The following PRSS23 variants were observed in gnomAD, a reference collection of about 807,000 sequenced individuals.
The protein encoded by PRSS23 is serine protease 23.
A neutral mutation model predicts 34.7 loss-of-function variants in PRSS23; 25 were observed. The observed-to-expected ratio is 0.72, with a 90% CI of 0.53 to 1.01. The LOEUF (loss-of-function observed/expected upper bound fraction) is 1.01. PRSS23 is among the 50% of genes least tolerant of loss of function. The pLI, the probability that PRSS23 is intolerant of heterozygous loss-of-function variation, is 0.00. For missense variants in PRSS23, 445 were observed against 475.6 expected (o/e 0.94, Z 0.60); for synonymous variants, 176 against 186.6 (o/e 0.94, Z 0.46).
chr11:86,806,977 T>A (rs1357799577), intron 1 of PRSS23, among the ~76,000 whole-genome samples: 1 of 152,180 alleles, frequency 6.6e-6, no homozygotes, highest in Non-Finnish European at 1.5e-5. Flanking sequence ...GAACTCAATA[T>A]ATATAATAGT....
At chr11:86,897,385 A>G (rs1295861958) in intron 2 of PRSS23, among the ~76,000 whole-genome samples, 1 of 151,690 alleles carries the variant, frequency 6.6e-6, no homozygotes, top group Non-Finnish European at 1.5e-5. Context: ...GAATTACAGG[A>G]GTGAGCCACC....
At chr11:86,939,133 G>A in intron 2 of PRSS23, 1 of 393,192 alleles carries the variant, frequency 2.5e-6, no homozygotes, top group Non-Finnish European at 5.0e-6. Flanking sequence ...ACACGTAAGG[G>A]AAACGTTTCC....
chr11:86,895,340 C>A (rs1205323462), intron 2 of PRSS23, among the ~76,000 whole-genome samples: 1 of 152,048 alleles, frequency 6.6e-6, no homozygotes, highest in Non-Finnish European at 1.5e-5. Flanking sequence ...GATAATAAAT[C>A]CAGCTTGCAA....
exon 2 of PRSS23, chr11:86,823,471 G>A (rs561236849): frequency 1.4e-5 from 10 of 702,274 alleles, no homozygotes; most frequent in South Asian, 5.9e-5. Flanking sequence ...CAACAGTTTC[G>A]AATTCAATTC....
chr11:86,853,504 G>A (rs1045706791), intron 2 of PRSS23, among the ~76,000 whole-genome samples: 4 of 151,818 alleles, frequency 2.6e-5, no homozygotes, highest in Admixed American at 6.6e-5. Context: ...ATCCTCCCAC[G>A]TTGGCCTCCC....
intron 2 of PRSS23, chr11:86,910,946 G>A (rs1349047586): frequency 6.6e-6 from 1 of 152,024 alleles, no homozygotes; most frequent in Non-Finnish European, 1.5e-5. Flanking sequence ...AATTCACAGT[G>A]AATTCTCTTA....
chr11:86,838,707 G>A (rs2134900338), intron 2 of PRSS23, among the ~76,000 whole-genome samples: 1 of 152,276 alleles, frequency 6.6e-6, no homozygotes, highest in South Asian at 2.1e-4. Flanking sequence ...CTGACTGGGA[G>A]ACATCTCCCA....
intron 2 of PRSS23, among the ~76,000 whole-genome samples, chr11:86,829,077 C>T (rs531502108): frequency 9.2e-4 from 140 of 152,110 alleles, no homozygotes; most frequent in Non-Finnish European, 1.4e-3. Context: ...TGGATAATGA[C>T]CTGCAGAGTA....
At chr11:86,857,506 T>G (rs1352963114) in intron 2 of PRSS23, 2 of 436,072 alleles carry the variant, frequency 4.6e-6, no homozygotes, top group Non-Finnish European at 9.1e-6. Context: ...TTGAAGAAGG[T>G]GAGTTGTGTA....
chr11:86,849,695 C>G (rs1948514654), intron 2 of PRSS23, among the ~76,000 whole-genome samples: 1 of 152,164 alleles, frequency 6.6e-6, no homozygotes, highest in African/African-American at 2.4e-5. Context: ...ATTGCAAGAC[C>G]TCAGAATCAA....
upstream of PRSS23, among the ~76,000 whole-genome samples, chr11:86,795,858 A>G (rs1249089604): frequency 2.0e-5 from 3 of 152,250 alleles, no homozygotes; most frequent in Non-Finnish European, 4.4e-5. Flanking sequence ...CTCCTTAGAC[A>G]TAATCCTTTT....
intron 2 of PRSS23, among the ~76,000 whole-genome samples, chr11:86,873,263 T>A (rs1165130265): frequency 1.5e-5 from 2 of 130,654 alleles, no homozygotes; most frequent in African/African-American, 6.2e-5. Context: ...TATGTATATA[T>A]ATATACACAC....
intron 2 of PRSS23, among the ~76,000 whole-genome samples, chr11:86,842,395 C>A (rs1270634062): frequency 6.6e-6 from 1 of 152,218 alleles, no homozygotes; most frequent in Non-Finnish European, 1.5e-5. Flanking sequence ...GCCTCTCTCA[C>A]CACTCCAATT....
At chr11:86,946,392 A>T (rs1209611108) in intron 2 of PRSS23, 1 of 152,198 alleles carries the variant, frequency 6.6e-6, no homozygotes, top group East Asian at 1.9e-4. Context: ...GGACCCCAAA[A>T]AGGTCCTCTA....
chr11:86,794,401 A>G (rs947634050), intron 1 of PRSS23, among the ~76,000 whole-genome samples: 6 of 152,294 alleles, frequency 3.9e-5, no homozygotes, highest in African/African-American at 1.2e-4. Flanking sequence ...TCAGTTTACA[A>G]TAGTGCCCAG....
chr11:86,826,327 T>A (rs1478549915), intron 2 of PRSS23, among the ~76,000 whole-genome samples: 2 of 152,162 alleles, frequency 1.3e-5, no homozygotes, highest in Non-Finnish European at 2.9e-5. Flanking sequence ...GCTTGTGATT[T>A]TTGTACATTG....
intron 2 of PRSS23, chr11:86,832,798 A>G (rs750408455): frequency 3.4e-6 from 1 of 293,832 alleles, no homozygotes; most frequent in Non-Finnish European, 6.6e-6. Flanking sequence ...AAACAATTTT[A>G]TAGTAAGAGA....
In PRSS23 at chr11:86,800,578, C is replaced by T. The variant is rs1385421867; in HGVS notation, c.-87C>T. 3.0e-6 allele frequency: 3 copies of T among 984,952 alleles called. No individual in the cohort carries two copies. The highest frequency in any genetic ancestry group is 3.6e-6 in the Non-Finnish European group (3 of 829,798). The allele number at this position is 984,952 out of a possible 1,614,324, so 61.0% of individuals were successfully genotyped here. A position where few individuals can be genotyped will look rare whatever the true frequency, so the allele number is the denominator to read the frequency against. On this transcript the variant is annotated 5_prime_UTR_variant, in exon 1 of 2. Transcript: ENST00000280258. Reference sequence around the variant, plus strand: ...TGCGGCGGGGCAGGCATGGGAGCCGCGCGCTCTCTCCCGGCGCCCACACCT... The same window carrying T: ...TGCGGCGGGGCAGGCATGGGAGCCGTGCGCTCTCTCCCGGCGCCCACACCT...
chr11:86,875,444 TA>T lies in PRSS23; in HGVS notation c.206+51856del, dbSNP rs575537104. Among the ~76,000 whole-genome samples the T allele has an allele frequency of 1.2e-4, 19 of 152,320 alleles. 1 individual carries two copies. The South Asian group carries it at 3.3e-3, about 27-fold the overall frequency. ...TTGACCAGGCTCAGCACATGATTTT[TA>T]AAAATCCCTCTTGCCTCTTAATGTC... On this transcript the variant is annotated intron_variant, in intron 2 of 2. Coordinates refer to the PRSS23 transcript ENST00000533902.
Sources: allele counts gnomAD v4.1 joint callset (sites outside exome capture counted in the v4.1 genomes callset), GRCh38; gene constraint gnomAD v4.1.1; transcripts MANE v1.5; gene names NCBI Gene and HGNC (gene_info 2026-07-23, HGNC 2026-07-21).